Variants in SGK3 observed in about 807,000 individuals in gnomAD.
SGK3 encodes serine/threonine-protein kinase Sgk3.
Under a neutral mutation model 68.5 loss-of-function variants are expected in SGK3, and 47 were observed. The ratio of observed to expected loss-of-function variants is 0.69; its 90% confidence interval spans 0.54 to 0.87. SGK3 has a LOEUF of 0.87. SGK3 is among the 40% of genes least tolerant of loss of function. SGK3 has a pLI of 0.00. For missense variants in SGK3, 479 were observed against 575.5 expected, an observed-to-expected ratio of 0.83 and a Z score of 1.72; for synonymous variants, 181 against 189.1, an observed-to-expected ratio of 0.96 and a Z score of 0.35.
rs1467056446 is a variant in SGK3, at chr8:66,828,662, T to C, written c.426T>C (p.Ser142=). The part of the protein sequence containing the change: ...EDERSSQKLH[S]TSQNINLGPS... ...TTTCCCCACCTTCACAGCTACACTC[T>C]ACCTCACAGAACATCAACCTGGGAC... The change falls in exon 7 of 17, where the codon TCT becomes TCC. Residue 142 remains serine (S), a synonymous_variant. Coordinates refer to ENST00000521198, the MANE Select transcript of SGK3 (RefSeq NM_001033578.3). 1 of 1,614,002 alleles carries C rather than the reference T, an allele frequency of 6.2e-7. No individual in the cohort carries two copies. Among genetic ancestry groups the C allele is most frequent in the Admixed American group, 1.7e-5 (1 of 60,020 alleles).
At chr8:66,723,745 G>A (rs1230590823) in intron 1 of SGK3, among the ~76,000 whole-genome samples, 1 of 152,086 alleles carries the variant, frequency 6.6e-6, no homozygotes, top group Non-Finnish European at 1.5e-5. Flanking sequence ...TTGCCCAACT[G>A]TTATAATTTG....
In SGK3 at chr8:66,847,294, G is replaced by A; in HGVS notation, c.1176G>A (p.Leu392=). 3 of 1,613,774 alleles carry A rather than the reference G, an allele frequency of 1.9e-6. No individual in the cohort carries two copies. The highest frequency in any genetic ancestry group is 2.5e-6 in the Non-Finnish European group (3 of 1,179,964). Residue 392 remains leucine (L), a synonymous_variant, in exon 15 of 17, where the codon CTG becomes CTA. Transcript: ENST00000521198. ...PGVSLTAWSI[L]EELLEKDRQN... ...TGAGTCTTACAGCCTGGTCCATTCT[G>A]GAAGAACTCCTAGAAAAAGACAGGC... is the stretch of plus-strand genomic sequence containing the variant.
At chr8:66,734,571 A>G (rs2130377296) in intron 1 of SGK3, among the ~76,000 whole-genome samples, 1 of 152,282 alleles carries the variant, frequency 6.6e-6, no homozygotes, top group East Asian at 1.9e-4. Context: ...AAGTTCGTTT[A>G]TCATAATTCT....
intron 15 of SGK3, among the ~76,000 whole-genome samples, chr8:66,848,306 T>C (rs1001191720): frequency 1.3e-5 from 2 of 152,180 alleles, no homozygotes; most frequent in Non-Finnish European, 2.9e-5. Flanking sequence ...GGTAACAAAC[T>C]GGGCATATTG....
intron 2 of SGK3, 128 bp from the exon 3 acceptor site, chr8:66,798,414 A>C (rs1272508911): frequency 3.0e-6 from 2 of 656,432 alleles, no homozygotes; most frequent in Non-Finnish European, 5.0e-6. Flanking sequence ...TGAAAACATC[A>C]GCCTTGGTGA....
At chr8:66,742,773 T>C (rs549951175) in intron 1 of SGK3, among the ~76,000 whole-genome samples, 16 of 152,208 alleles carry the variant, frequency 1.1e-4, no homozygotes, top group Non-Finnish European at 1.9e-4. Context: ...CTGCCCCACA[T>C]TTTTTGTATC....
intron 2 of SGK3, among the ~76,000 whole-genome samples, chr8:66,797,341 C>T (rs1227617260): frequency 1.3e-5 from 2 of 152,326 alleles, no homozygotes; most frequent in African/African-American, 2.4e-5. Context: ...TCTTATTCAG[C>T]GTCGCTGGCA....
At chr8:66,762,473 C>T (rs1205524290) in intron 1 of SGK3, among the ~76,000 whole-genome samples, 10 of 152,022 alleles carry the variant, frequency 6.6e-5, no homozygotes, top group Admixed American at 5.9e-4. Context: ...GCCAAGATCG[C>T]GCCACTGCAC....
chr8:66,839,523 A>G (rs1386917232), intron 10 of SGK3, among the ~76,000 whole-genome samples: 4 of 56,970 alleles, frequency 7.0e-5, no homozygotes, highest in Admixed American at 4.9e-4. Flanking sequence ...ATATATATAT[A>G]TATATATATA....
At chr8:66,834,223 TA>T (rs541421602) in intron 8 of SGK3, among the ~76,000 whole-genome samples, 165 of 151,382 alleles carry the variant, frequency 1.1e-3, no homozygotes, top group African/African-American at 3.9e-3. Context: ...ATATTCTGCA[TA>T]ACAAAATATG....
chr8:66,777,194 G>T (rs753055830), intron 1 of SGK3, among the ~76,000 whole-genome samples: 5 of 152,198 alleles, frequency 3.3e-5, no homozygotes, highest in Non-Finnish European at 7.3e-5. Context: ...CTTCACCTCT[G>T]GGTGTTTGTT....
At chr8:66,781,016 C>A (rs991488866) in intron 1 of SGK3, among the ~76,000 whole-genome samples, 1 of 152,128 alleles carries the variant, frequency 6.6e-6, no homozygotes, top group Non-Finnish European at 1.5e-5. Context: ...ATTCTGCCAA[C>A]CTCTTCAGTT....
chr8:66,772,076 C>G (rs1179759801), intron 1 of SGK3, among the ~76,000 whole-genome samples: 1 of 5,392 alleles, frequency 1.9e-4, no homozygotes, highest in South Asian at 5.7e-3. Flanking sequence ...TTTCTTTTAG[C>G]CTTCTTAAGA....
chr8:66,783,425 G>A (rs1807071767), intron 1 of SGK3, among the ~76,000 whole-genome samples: 1 of 152,122 alleles, frequency 6.6e-6, no homozygotes, highest in South Asian at 2.1e-4. Flanking sequence ...TTCTCTTCAT[G>A]TTCTTTCATG....
chr8:66,771,746 A>G (rs886546551), intron 1 of SGK3, among the ~76,000 whole-genome samples: 1 of 152,198 alleles, frequency 6.6e-6, no homozygotes, highest in Non-Finnish European at 1.5e-5. Flanking sequence ...AGGAAAGTTG[A>G]AAATAATCAT....
rs146280736 is a variant in SGK3, at chr8:66,856,368, G to A, written c.1321-3043G>A. Reference sequence around the variant, plus strand: ...AGGCATGAGCCACCGTGCCTGGCCCGCTCTCACTCTTAATAAACCACATAG... The same window carrying A: ...AGGCATGAGCCACCGTGCCTGGCCCACTCTCACTCTTAATAAACCACATAG... On this transcript the variant is annotated intron_variant, in intron 16 of 16. Coordinates refer to ENST00000521198, the MANE Select transcript of SGK3 (RefSeq NM_001033578.3). Among the ~76,000 whole-genome samples, 296 of 152,056 alleles carry A rather than the reference G, an allele frequency of 1.9e-3. 2 individuals are homozygous for A. The highest frequency in any genetic ancestry group is 6.4e-3 in the African/African-American group (265 of 41,518).
intron 10 of SGK3, 139 bp from the exon 11 acceptor site, chr8:66,839,864 C>A: frequency 1.4e-6 from 1 of 733,752 alleles, no homozygotes; most frequent in South Asian, 2.2e-5. Context: ...ATTTCTGTGC[C>A]TTGTTAACAT....
intron 1 of SGK3, among the ~76,000 whole-genome samples, chr8:66,716,745 A>C (rs1438452199): frequency 6.6e-6 from 1 of 152,192 alleles, no homozygotes; most frequent in African/African-American, 2.4e-5. Context: ...CCATACATAT[A>C]GGAAAGACCT....
rs532624285 is a variant in SGK3, at chr8:66,839,798, C to T, written c.742-205C>T. The T allele has an allele frequency of 8.5e-5, 43 of 503,312 alleles. No individual in the cohort carries two copies. In the South Asian group the frequency reaches 1.1e-3, roughly 13 times the overall value. The allele number at this position is 503,312 out of a possible 1,614,324, so 31.2% of individuals were successfully genotyped here. ...ACATTAGCAAGGGTAAACAAAGACA[C>T]GTGGTTGAAGAGAGAGAATGATTGT... On this transcript the variant is annotated intron_variant, in intron 10 of 16. Coordinates refer to ENST00000521198, the MANE Select transcript of SGK3 (RefSeq NM_001033578.3).
Sources: gnomAD v4.1 joint callset for allele counts (sites outside exome capture counted in the v4.1 genomes callset) on GRCh38, gnomAD v4.1.1 for gene constraint, MANE v1.5 for transcripts, NCBI Gene and HGNC (gene_info 2026-07-23, HGNC 2026-07-21) for gene names.